Variants in SEC22C observed in about 807,000 individuals in gnomAD.
SEC22C encodes SEC22 homolog C, vesicle trafficking protein.
In SEC22C, 29 loss-of-function variants were observed where a neutral mutation model predicts 34.7. The ratio of observed to expected loss-of-function variants is 0.84; its 90% confidence interval spans 0.62 to 1.14. SEC22C has a LOEUF of 1.14. Ranked by LOEUF, SEC22C falls within the 50% of genes most tolerant of loss-of-function variation. The pLI, the probability that SEC22C is intolerant of heterozygous loss-of-function variation, is 0.00. For missense variants in SEC22C, 337 were observed against 369.0 expected, an observed-to-expected ratio of 0.91 and a Z score of 0.71; for synonymous variants, 117 against 132.8, an observed-to-expected ratio of 0.88 and a Z score of 0.82.
chr3:42,583,448 A>C (rs1405040625), upstream of SEC22C, among the ~76,000 whole-genome samples: 2 of 152,252 alleles, frequency 1.3e-5, no homozygotes, highest in East Asian at 3.8e-4. Flanking sequence ...TGGATGGTGC[A>C]GGGATTCACA....
intron 2 of SEC22C, chr3:42,563,926 C>T: frequency 1.4e-6 from 2 of 1,396,276 alleles, no homozygotes; most frequent in Non-Finnish European, 1.9e-6. Flanking sequence ...CTTATTTATT[C>T]ATGCATGAGG....
rs1702299789 is a variant in SEC22C, at chr3:42,552,482, T to G, written c.*766A>C. ...CTCATTTCTGCTCATGCTGACAAAC[T>G]TATCATCTAGAAGTACTGGTTATTC... On this transcript the variant is annotated 3_prime_UTR_variant, in exon 7 of 7. Transcript: ENST00000264454. The G allele has an allele frequency of 3.0e-6, 3 of 984,232 alleles. No homozygotes were observed. Among genetic ancestry groups the G allele is most frequent in the South Asian group, 9.4e-5 (2 of 21,274 alleles). The allele number at this position is 984,232 out of a possible 1,614,324, so 61.0% of individuals were successfully genotyped here.
chr3:42,585,310 C>T (rs1306340699), upstream of SEC22C, among the ~76,000 whole-genome samples: 24 of 152,158 alleles, frequency 1.6e-4, no homozygotes, highest in Admixed American at 1.4e-3. Context: ...AGTCCTAGCT[C>T]TCATCTCCAA....
intron 3 of SEC22C, 95 bp downstream of exon 3, chr3:42,563,428 G>A (rs922179439): frequency 4.0e-6 from 4 of 1,002,816 alleles, no homozygotes; most frequent in Non-Finnish European, 6.0e-6. Flanking sequence ...CATCTCCAGT[G>A]GTTTTCCTTG....
intron 4 of SEC22C, among the ~76,000 whole-genome samples, chr3:42,560,139 A>T (rs1273647443): frequency 7.0e-6 from 1 of 143,046 alleles, no homozygotes; most frequent in Non-Finnish European, 1.5e-5. Flanking sequence ...TATATATATA[A>T]ATAATAATTG....
chr3:42,556,095 C>G, intron 5 of SEC22C, 100 bp from the exon 6 acceptor site: 1 of 875,088 alleles, frequency 1.1e-6, no homozygotes, highest in South Asian at 1.6e-5. Context: ...GTATGGTTGA[C>G]AGTACAAAAT....
At chr3:42,559,843 A>G (rs1702763325) in intron 4 of SEC22C, among the ~76,000 whole-genome samples, 1 of 152,116 alleles carries the variant, frequency 6.6e-6, no homozygotes, top group Admixed American at 6.6e-5. Context: ...AGTGGCTAAT[A>G]ACATTAATGA....
chr3:42,560,136 AT>A (rs1461620044), intron 4 of SEC22C, among the ~76,000 whole-genome samples: 10 of 145,522 alleles, frequency 6.9e-5, no homozygotes, highest in African/African-American at 2.0e-4. Context: ...ATATATATAT[AT>A]AAATAATAAT....
At chr3:42,598,707 T>G (rs1705119417) in intron 1 of SEC22C, among the ~76,000 whole-genome samples, 1 of 151,726 alleles carries the variant, frequency 6.6e-6, no homozygotes, top group African/African-American at 2.4e-5. Context: ...AGAGAGAAAG[T>G]AGAAGGGTGG....
rs1334630931 is a variant in SEC22C, at chr3:42,581,904, G to A, written c.-86C>T. On this transcript the variant is annotated 5_prime_UTR_variant, in exon 1 of 7. Transcript: ENST00000264454. ...CTGCCAGCTACCCGCCGCCTCCTCA[G>A]CAATCTTAGCCGACCGGGAGGGCTC... is the stretch of plus-strand genomic sequence containing the variant. The A allele has an allele frequency of 6.6e-6, 1 of 152,308 alleles. No homozygotes were observed. The highest frequency in any genetic ancestry group is 2.4e-5 in the African/African-American group (1 of 41,474). The allele number at this position is 152,308 out of a possible 1,614,324, so 9.4% of individuals were successfully genotyped here. A position where few individuals can be genotyped will look rare whatever the true frequency, so the allele number is the denominator to read the frequency against.
At chr3:42,585,799 C>G (rs1294603775), upstream of SEC22C, among the ~76,000 whole-genome samples, 1 of 152,180 alleles carries the variant, frequency 6.6e-6, no homozygotes, top group Non-Finnish European at 1.5e-5. Flanking sequence ...CCACACAGAT[C>G]AGTGCTACAT....
intron 1 of SEC22C, among the ~76,000 whole-genome samples, chr3:42,572,092 G>A (rs2125716365): frequency 6.6e-6 from 1 of 152,112 alleles, no homozygotes; most frequent in East Asian, 1.9e-4. Context: ...AGGGACCTTG[G>A]GGTCTGAGGA....
chr3:42,557,319 G>A (rs1197216320), intron 5 of SEC22C, among the ~76,000 whole-genome samples: 1 of 152,122 alleles, frequency 6.6e-6, no homozygotes, highest in Non-Finnish European at 1.5e-5. Flanking sequence ...GAGCCACAGG[G>A]TGGTCTAATG....
chr3:42,550,326 TACA>T lies in SEC22C; in HGVS notation c.*2919_*2921del, dbSNP rs1288488321. ...TTAACTACTGGGAAAACAAAAGTGC[TACA>T]ACAACAGTGAGTCCATGGTGGAGTG... On this transcript the variant is annotated 3_prime_UTR_variant, in exon 7 of 7. Coordinates refer to ENST00000264454, the MANE Select transcript of SEC22C (RefSeq NM_032970.4). 22 of 985,340 alleles carry T rather than the reference TACA, an allele frequency of 2.2e-5. No individual in the cohort carries two copies. In the South Asian group the frequency reaches 2.8e-4, roughly 13 times the overall value. The allele number at this position is 985,340 out of a possible 1,614,324, so 61.0% of individuals were successfully genotyped here.
chr3:42,553,874 C>G (rs1469304959), intron 6 of SEC22C, among the ~76,000 whole-genome samples: 1 of 152,114 alleles, frequency 6.6e-6, no homozygotes, highest in Non-Finnish European at 1.5e-5. Context: ...TGAGAGAAAG[C>G]CATGCTTTTA....
chr3:42,591,688 G>C, intron 1 of SEC22C: 1 of 947,542 alleles, frequency 1.1e-6, no homozygotes. Flanking sequence ...AGAGTCTTGG[G>C]TGATTGATCG....
Position 42,569,055 on chromosome 3 carries a change from A to G in SEC22C, c.-9T>C. The G allele has an allele frequency of 1.9e-6, 3 of 1,612,886 alleles. No individual in the cohort carries two copies. Among genetic ancestry groups the G allele is most frequent in the Non-Finnish European group, 2.5e-6 (3 of 1,179,322 alleles). ...AAAAAGATCACGGACATGGTCCACA[A>G]GAGAAGTCATGAGGACACCTGAGGA... On this transcript the variant is annotated 5_prime_UTR_variant, in exon 2 of 7. Coordinates refer to ENST00000264454, the MANE Select transcript of SEC22C (RefSeq NM_032970.4).
At chr3:42,557,502 T>C (rs1025198232) in intron 5 of SEC22C, 76 bp downstream of exon 5, 1 of 619,860 alleles carries the variant, frequency 1.6e-6, no homozygotes, top group Non-Finnish European at 2.8e-6. Context: ...GTTTTATAGA[T>C]AAAATGTATC....
intron 3 of SEC22C, among the ~76,000 whole-genome samples, chr3:42,561,993 CA>C (rs3836501): frequency 0.46 from 68,087 of 148,854 alleles, 17,804 homozygotes; most frequent in African/African-American, 0.73. Flanking sequence ...CTGATTAACT[CA>C]AAAAAAAAGG....
Sources: gnomAD v4.1 joint callset for allele counts (sites outside exome capture counted in the v4.1 genomes callset) on GRCh38, gnomAD v4.1.1 for gene constraint, MANE v1.5 for transcripts, NCBI Gene and HGNC (gene_info 2026-07-23, HGNC 2026-07-21) for gene names.